The following GNAL variants were observed in gnomAD, a reference collection of about 807,000 sequenced individuals.
The protein encoded by GNAL is G protein subunit alpha L.
A neutral mutation model predicts 55.1 loss-of-function variants in GNAL; 18 were observed. The observed-to-expected ratio is 0.33, with a 90% CI of 0.23 to 0.48. The LOEUF is 0.48. Among genes scored for constraint, GNAL ranks in the 20% least tolerant of loss-of-function variants. The probability of loss-of-function intolerance (pLI) is 0.99; values close to 1 mark genes in which losing one functional copy is unlikely to be tolerated. For missense variants in GNAL, 412 were observed against 614.1 expected (o/e 0.67, Z 3.48); for synonymous variants, 253 against 237.0 (o/e 1.07, Z -0.62).
chr18:11,698,816 G>C (rs1303859625), intron 1 of GNAL, among the ~76,000 whole-genome samples: 6 of 152,272 alleles, frequency 3.9e-5, no homozygotes, highest in Non-Finnish European at 7.4e-5. Context: ...ACATTCAGGT[G>C]CCTGGACTCA....
Position 11,751,605 on chromosome 18 carries a change from G to GGC in GNAL, c.377-1241_377-1240dup. The GGC allele has an allele frequency of 5.1e-6, 5 of 985,500 alleles. No individual in the cohort carries two copies. The South Asian group carries it at 2.3e-4, about 46-fold the overall frequency. 61.0% of individuals were successfully genotyped at this position (985,500 alleles called of 1,614,324 possible). ...CAGGGACGCGTCCGAGCCAACACGG[G>GGC]GCGCGCGCCCAGACGCACTTTCCCG... On this transcript the variant is annotated intron_variant, in intron 1 of 11. Transcript: ENST00000334049. The surrounding 1 kb of genome is among the most constrained non-coding windows in gnomAD (Gnocchi z 4.5).
chr18:11,789,564 C>G (rs1167244156), intron 4 of GNAL, among the ~76,000 whole-genome samples: 1 of 152,178 alleles, frequency 6.6e-6, no homozygotes. Context: ...TATAGATAGG[C>G]AGATTCCCCA....
intron 1 of GNAL, among the ~76,000 whole-genome samples, chr18:11,695,125 G>A (rs1195509696): frequency 6.6e-6 from 1 of 152,174 alleles, no homozygotes; most frequent in East Asian, 1.9e-4. Context: ...GGCTAAGGCG[G>A]GGAGTGCGTG....
At chr18:11,865,755 T>TA (rs777122802) in intron 7 of GNAL, among the ~76,000 whole-genome samples, 2,138 of 81,122 alleles carry the variant, frequency 0.026, 119 homozygotes, top group African/African-American at 0.081. Context: ...ACCCTGTCTC[T>TA]AAAAAAAAAA....
intron 5 of GNAL, among the ~76,000 whole-genome samples, chr18:11,834,637 G>A (rs1459706471): frequency 1.5e-4 from 23 of 152,110 alleles, no homozygotes; most frequent in Admixed American, 1.5e-3. Context: ...AGGATTGCTG[G>A]AGCCTTGGAG....
At chr18:11,870,147 C>A (rs1427347500) in intron 9 of GNAL, among the ~76,000 whole-genome samples, 1 of 152,132 alleles carries the variant, frequency 6.6e-6, no homozygotes, top group African/African-American at 2.4e-5. Context: ...AGTCCTAGAC[C>A]AATCCCCCAC....
rs1327509188 is a variant in GNAL at position 11,883,591 on chromosome 18, C to T, written c.*2456C>T. The T allele has an allele frequency of 6.5e-6, 1 of 153,466 alleles. No homozygotes were observed. The highest frequency in any genetic ancestry group is 2.4e-5 in the African/African-American group (1 of 41,406). The allele number at this position is 153,466 out of a possible 1,614,324, so 9.5% of individuals were successfully genotyped here. A position where few individuals can be genotyped will look rare whatever the true frequency, so the allele number is the denominator to read the frequency against. Reference sequence around the variant, plus strand: ...ATTAACAGATGTAGCAACGTGGTCTCCTATAGAGAAAATTACACTTATCTA... The same window carrying T: ...ATTAACAGATGTAGCAACGTGGTCTTCTATAGAGAAAATTACACTTATCTA... On this transcript the variant is annotated 3_prime_UTR_variant, in exon 12 of 12. Transcript: ENST00000334049.
At chr18:11,765,938 T>A (rs1319953961) in intron 4 of GNAL, among the ~76,000 whole-genome samples, 2 of 152,232 alleles carry the variant, frequency 1.3e-5, no homozygotes, top group Admixed American at 6.5e-5. Flanking sequence ...GGACCCTTGC[T>A]CTTTTCAGAA....
At chr18:11,802,097 G>A (rs989926951) in intron 4 of GNAL, among the ~76,000 whole-genome samples, 3 of 152,152 alleles carry the variant, frequency 2.0e-5, no homozygotes, top group Admixed American at 2.0e-4. Flanking sequence ...CTGGTAGGAA[G>A]ACTACTTGCC....
chr18:11,752,693 G>A lies in GNAL; in HGVS notation c.377-160G>A, dbSNP rs575180857. 322 of 1,233,850 alleles carry A rather than the reference G, an allele frequency of 2.6e-4. 1 individual carries two copies. In the East Asian group the frequency reaches 3.3e-3, roughly 13 times the overall value. The allele number at this position is 1,233,850 out of a possible 1,614,324, so 76.4% of individuals were successfully genotyped here. ...CGAGGGTCGCGCGCACCTCTGGGCC[G>A]CGGAGCCCAGACGGCGGCCGGGGCG... On this transcript the variant is annotated intron_variant, in intron 1 of 11. Coordinates refer to ENST00000334049, the MANE Select transcript of GNAL (RefSeq NM_182978.4). The surrounding 1 kb of genome is among the most constrained non-coding windows in gnomAD (Gnocchi z 4.5).
intron 1 of GNAL, among the ~76,000 whole-genome samples, chr18:11,693,488 G>A (rs2143285760): frequency 6.6e-6 from 1 of 152,228 alleles, no homozygotes; most frequent in South Asian, 2.1e-4. Context: ...ATATAGATTT[G>A]AGTTAAACAC....
chr18:11,786,339 A>G (rs894759126), intron 4 of GNAL, among the ~76,000 whole-genome samples: 12 of 150,714 alleles, frequency 8.0e-5, no homozygotes, highest in East Asian at 3.9e-4. Context: ...CTGAAAATCA[A>G]TTCATTTTAG....
intron 1 of GNAL, among the ~76,000 whole-genome samples, chr18:11,735,059 G>GT (rs1478489287): frequency 6.7e-6 from 1 of 149,712 alleles, no homozygotes. Context: ...TTTTGTGGGG[G>GT]TTTTTTTTGA....
rs1046532048 is a variant in GNAL, at chr18:11,701,406, C to T, written c.376+11467C>T. Among the ~76,000 whole-genome samples, 6 of 152,064 alleles carry T rather than the reference C, an allele frequency of 3.9e-5. No individual in the cohort carries two copies. The Middle Eastern group carries it at 0.01, about 259-fold the overall frequency. On this transcript the variant is annotated intron_variant, in intron 1 of 11. Coordinates refer to ENST00000334049, the MANE Select transcript of GNAL (RefSeq NM_182978.4). The stretch of plus-strand genomic sequence containing the variant: ...ATGAGTTCGAGACCAGCCTGGCCAA[C>T]ATGGTGAAACCCCATCTCTACTAAA...
chr18:11,807,736 G>A lies in GNAL; in HGVS notation c.625-17182G>A, dbSNP rs554459906. ...GTGTGCATGCCACAAAGTGGAGATC[G>A]CCAAGGCAGTGAGCTTACATAGAGA... is the stretch of plus-strand genomic sequence containing the variant. On this transcript the variant is annotated intron_variant, in intron 4 of 11. Transcript: ENST00000334049. Among the ~76,000 whole-genome samples the A allele has an allele frequency of 3.3e-5, 5 of 152,076 alleles. No homozygotes were observed. The South Asian group carries it at 6.2e-4, about 19-fold the overall frequency.
At chr18:11,877,920 CA>C (rs33963351) in intron 11 of GNAL, among the ~76,000 whole-genome samples, 117,394 of 152,092 alleles carry the variant, frequency 0.77, 45,547 homozygotes, top group Middle Eastern at 0.81. Context: ...AGAGCTTCTG[CA>C]GCTGAATAAA....
chr18:11,794,680 C>T (rs1296879435), intron 4 of GNAL, among the ~76,000 whole-genome samples: 3 of 145,804 alleles, frequency 2.1e-5, no homozygotes, highest in African/African-American at 5.1e-5. Context: ...TGTAAATACA[C>T]TAACACCACT....
At chr18:11,847,035 A>G (rs1366334964) in intron 5 of GNAL, among the ~76,000 whole-genome samples, 1 of 151,160 alleles carries the variant, frequency 6.6e-6, no homozygotes, top group Non-Finnish European at 1.5e-5. Flanking sequence ...TGTAATGTAT[A>G]ATATATATAT....
chr18:11,867,961 C>T (rs761785129), intron 8 of GNAL, among the ~76,000 whole-genome samples: 51 of 151,520 alleles, frequency 3.4e-4, no homozygotes, highest in Non-Finnish European at 6.6e-4. Context: ...CCCGTCTCTA[C>T]TAAAAATGCA....
Sources: allele counts gnomAD v4.1 joint callset (sites outside exome capture counted in the v4.1 genomes callset), GRCh38; gene constraint gnomAD v4.1.1; non-coding constraint Gnocchi (gnomAD v3.1); transcripts MANE v1.5; gene names NCBI Gene and HGNC (gene_info 2026-07-23, HGNC 2026-07-21).